Variants in RBMS3 observed in about 807,000 individuals in gnomAD.
The protein encoded by RBMS3 is RNA binding motif single stranded interacting protein 3.
Under a neutral mutation model 66.8 loss-of-function variants are expected in RBMS3, and 27 were observed. The observed-to-expected ratio is 0.40, with a 90% CI of 0.30 to 0.56. RBMS3 has a LOEUF of 0.56. Among genes scored for constraint, RBMS3 ranks in the 20% least tolerant of loss-of-function variants. The pLI is 0.40. For synonymous variants in RBMS3, 188 were observed against 183.0 expected, an observed-to-expected ratio of 1.03 and a Z score of -0.22; for missense variants, 513 against 549.5, an observed-to-expected ratio of 0.93 and a Z score of 0.66.
At chr3:29,360,919 T>C (rs2037545405) in intron 1 of RBMS3, among the ~76,000 whole-genome samples, 1 of 152,006 alleles carries the variant, frequency 6.6e-6, no homozygotes, top group Non-Finnish European at 1.5e-5. Context: ...CCCCCATCCC[T>C]TTATTTTGAG....
chr3:29,423,669 T>C (rs371748217), intron 1 of RBMS3, among the ~76,000 whole-genome samples: 5 of 152,360 alleles, frequency 3.3e-5, no homozygotes, highest in South Asian at 4.1e-4. Flanking sequence ...GTTCTGTGTC[T>C]ACCTGTCAGA....
chr3:29,981,931 G>A (rs145800629), intron 12 of RBMS3, among the ~76,000 whole-genome samples: 263 of 152,226 alleles, frequency 1.7e-3, no homozygotes, highest in African/African-American at 5.3e-3. Flanking sequence ...GGGTGATGCC[G>A]GCCTCATAAA....
At chr3:29,673,474 T>C (rs1466212670) in intron 4 of RBMS3, among the ~76,000 whole-genome samples, 1 of 150,950 alleles carries the variant, frequency 6.6e-6, no homozygotes, top group Non-Finnish European at 1.5e-5. Flanking sequence ...TTTTTTTTTT[T>C]TTAAAAGATC....
At chr3:29,651,661 C>G (rs1457646) in intron 4 of RBMS3, among the ~76,000 whole-genome samples, 31,972 of 151,978 alleles carry the variant, frequency 0.21, 3,804 homozygotes, top group East Asian at 0.34. Flanking sequence ...GTAATGTTTT[C>G]CCTAATCCTA....
chr3:29,336,009 A>G (rs933346497), intron 1 of RBMS3, among the ~76,000 whole-genome samples: 8 of 152,098 alleles, frequency 5.3e-5, no homozygotes, highest in African/African-American at 1.7e-4. Flanking sequence ...TCAACTGATC[A>G]GCCTTTCCGG....
chr3:29,785,655 T>G (rs1402416172), intron 6 of RBMS3, among the ~76,000 whole-genome samples: 1 of 152,052 alleles, frequency 6.6e-6, no homozygotes, highest in African/African-American at 2.4e-5. Flanking sequence ...TTCTTTATGA[T>G]TAAACCCTCA....
At chr3:29,298,633 C>T (rs2033456849) in intron 1 of RBMS3, among the ~76,000 whole-genome samples, 1 of 150,984 alleles carries the variant, frequency 6.6e-6, no homozygotes. Context: ...TTTCTTTTTG[C>T]TTACTCACAT....
chr3:29,465,001 G>A (rs1281816604), intron 2 of RBMS3, among the ~76,000 whole-genome samples: 2 of 152,146 alleles, frequency 1.3e-5, no homozygotes, highest in Admixed American at 6.6e-5. Flanking sequence ...ACAATGATTG[G>A]AACAGAGAAG....
chr3:29,614,834 T>C (rs1399498475), intron 4 of RBMS3: 1 of 152,174 alleles, frequency 6.6e-6, no homozygotes, highest in African/African-American at 2.4e-5. Flanking sequence ...AGATCTATTT[T>C]AAAGGGATCC....
chr3:29,462,452 A>G (rs1256423842), intron 2 of RBMS3, among the ~76,000 whole-genome samples: 1 of 152,112 alleles, frequency 6.6e-6, no homozygotes, highest in Non-Finnish European at 1.5e-5. Context: ...TCTGTTGTCC[A>G]TGTATTTATT....
At chr3:29,502,622 T>C (rs899762945) in intron 3 of RBMS3, among the ~76,000 whole-genome samples, 3 of 152,108 alleles carry the variant, frequency 2.0e-5, no homozygotes, top group Non-Finnish European at 2.9e-5. Flanking sequence ...TGAAAGCACA[T>C]GTTCCTTTTG....
At chr3:29,848,397 C>G (rs965534400) in intron 6 of RBMS3, among the ~76,000 whole-genome samples, 3 of 152,260 alleles carry the variant, frequency 2.0e-5, no homozygotes, top group South Asian at 2.1e-4. Flanking sequence ...TTTGTCTTTT[C>G]TTTCACTTGA....
chr3:29,686,150 A>G (rs1444619073), intron 4 of RBMS3, among the ~76,000 whole-genome samples: 4 of 152,110 alleles, frequency 2.6e-5, no homozygotes, highest in Admixed American at 6.6e-5. Context: ...TCTCTGGCCA[A>G]CGTAGGCTAA....
rs528228600 is a variant in RBMS3 at position 29,848,468 on chromosome 3, G to T, written c.638-20390G>T. ...TGTCCAGGGATAACTATAGTTTCTA[G>T]GGCAACTATAAAACTTGGGGAATCC... On this transcript the variant is annotated intron_variant, in intron 6 of 14. Coordinates refer to ENST00000383767, the MANE Select transcript of RBMS3 (RefSeq NM_001003793.3). Among the ~76,000 whole-genome samples, 5 of 152,244 alleles carry T rather than the reference G, an allele frequency of 3.3e-5. No individual in the cohort carries two copies. The East Asian group carries it at 9.7e-4, about 29-fold the overall frequency.
chr3:29,490,478 A>G (rs1176137729), intron 3 of RBMS3, among the ~76,000 whole-genome samples: 1 of 152,144 alleles, frequency 6.6e-6, no homozygotes, highest in Non-Finnish European at 1.5e-5. Flanking sequence ...TCTGATTGGG[A>G]AAGATGCCTG....
At position 29,991,257 on chromosome 3, in the gene RBMS3, G is replaced by A. The variant is rs375913208; in HGVS notation, c.1307+48G>A. ...TCTTTTCCTCAAGATCAGCCATCTT[G>A]ACATCACTCTCTCATGTTGTATGTG... On this transcript the variant is annotated intron_variant, in intron 14 of 14. Coordinates refer to ENST00000383767, the MANE Select transcript of RBMS3 (RefSeq NM_001003793.3). The A allele has an allele frequency of 5.0e-6, 8 of 1,612,508 alleles. No individual in the cohort carries two copies. In the African/African-American group the frequency reaches 1.1e-4, roughly 22 times the overall value.
chr3:29,795,677 A>G (rs2057161293), intron 6 of RBMS3, among the ~76,000 whole-genome samples: 1 of 152,230 alleles, frequency 6.6e-6, no homozygotes, highest in South Asian at 2.1e-4. Context: ...TAGATTTCTT[A>G]AAATATCTTA....
chr3:29,383,735 T>C (rs188920338), intron 1 of RBMS3, among the ~76,000 whole-genome samples: 67 of 152,310 alleles, frequency 4.4e-4, no homozygotes, highest in Middle Eastern at 3.4e-3. Context: ...AAATGTGCGA[T>C]CTGGACTCTG....
At chr3:29,818,270 GTT>G (rs1327684884) in intron 6 of RBMS3, among the ~76,000 whole-genome samples, 1 of 151,640 alleles carries the variant, frequency 6.6e-6, no homozygotes, top group Non-Finnish European at 1.5e-5. Flanking sequence ...ATACCGCATT[GTT>G]TTTTCTCCTT....
Sources: gnomAD v4.1 joint callset for allele counts (sites outside exome capture counted in the v4.1 genomes callset) on GRCh38, gnomAD v4.1.1 for gene constraint, MANE v1.5 for transcripts, NCBI Gene and HGNC (gene_info 2026-07-23, HGNC 2026-07-21) for gene names.